PSD4: variants seen among roughly 807,000 people sequenced by gnomAD.
PSD4 encodes PH and SEC7 domain-containing protein 4.
In PSD4, 59 loss-of-function variants were observed where a neutral mutation model predicts 112.5. That is an observed-to-expected ratio of 0.52 (90% CI 0.43 to 0.65). The LOEUF (loss-of-function observed/expected upper bound fraction) is 0.65. PSD4 is among the 30% of genes least tolerant of loss of function. PSD4 has a pLI of 0.00. For synonymous variants in PSD4, 533 were observed against 540.0 expected (o/e 0.99, Z 0.18); for missense variants, 1,267 against 1,352.6 (o/e 0.94, Z 0.99).
chr2:113,185,550 A>T, intron 4 of PSD4, 110 bp downstream of exon 4: 2 of 1,593,458 alleles, frequency 1.3e-6, no homozygotes, highest in Non-Finnish European at 1.7e-6. Context: ...GGGTCCCATT[A>T]TATTGTGTTT....
chr2:113,179,283 G>C (rs773056059), intron 1 of PSD4, among the ~76,000 whole-genome samples: 17 of 152,326 alleles, frequency 1.1e-4, no homozygotes, highest in Non-Finnish European at 2.1e-4. Flanking sequence ...GGGGAGCAGA[G>C]AGTGGTATGG....
chr2:113,190,612 T>C (rs148612255), intron 5 of PSD4, among the ~76,000 whole-genome samples: 318 of 152,260 alleles, frequency 2.1e-3, no homozygotes, highest in Middle Eastern at 6.8e-3. Flanking sequence ...TTTTTACTTA[T>C]TTTTATTTTT....
chr2:113,182,733 G>T lies in PSD4; in HGVS notation c.277G>T (p.Ala93Ser). 6.3e-7 allele frequency: 1 copy of T among 1,599,544 alleles called. No homozygotes were observed. The highest frequency in any genetic ancestry group is 8.5e-7 in the Non-Finnish European group (1 of 1,171,118). Residue 93 changes from alanine to serine, a missense_variant, in exon 2 of 17, where the codon GCC becomes TCC. Transcript: ENST00000245796. ...GLEPCQEQTR[A>S]TDPPESTRQD... ...GGAGCCTTGCCAGGAGCAAACCCGG[G>T]CCACTGACCCTCCTGAATCTACCAG...
intron 10 of PSD4, among the ~76,000 whole-genome samples, chr2:113,195,325 T>A (rs1688574908): frequency 6.6e-6 from 1 of 152,116 alleles, no homozygotes; most frequent in Non-Finnish European, 1.5e-5. Flanking sequence ...CACGCCCAGA[T>A]AATTTTTTGT....
intron 1 of PSD4, among the ~76,000 whole-genome samples, chr2:113,174,967 C>G (rs1023287176): frequency 1.3e-5 from 2 of 152,124 alleles, no homozygotes; most frequent in African/African-American, 4.8e-5. Flanking sequence ...AAAGTGGTCC[C>G]CAAGCAGGCC....
rs745749913 is a variant in PSD4 at position 113,197,785 on chromosome 2, G to T, written c.2496G>T (p.Val832=). 1 of 1,611,140 alleles carries T rather than the reference G, an allele frequency of 6.2e-7. No individual in the cohort carries two copies. The highest frequency in any genetic ancestry group is 1.1e-5 in the South Asian group (1 of 91,006). ...ACTGTCTGGAGGGGGAGAGCTTGGT[G>T]GGGCAGATGGTGGATGAGCCCGTGG... is the stretch of plus-strand genomic sequence containing the variant. ...EDHCLEGESL[V]GQMVDEPVGV... The change falls in exon 14 of 17, where the codon GTG becomes GTT. Residue 832 remains valine, a synonymous_variant. Coordinates refer to ENST00000245796, the MANE Select transcript of PSD4 (RefSeq NM_012455.3).
intron 1 of PSD4, among the ~76,000 whole-genome samples, chr2:113,179,238 C>T (rs769563993): frequency 1.3e-5 from 2 of 152,154 alleles, no homozygotes; most frequent in East Asian, 1.9e-4. Flanking sequence ...GCCTCTTGCC[C>T]AGAGAGCACT....
intron 1 of PSD4, among the ~76,000 whole-genome samples, 182 bp from the exon 2 acceptor site, chr2:113,182,164 G>C (rs1558886290): frequency 2.0e-5 from 3 of 152,202 alleles, no homozygotes; most frequent in Non-Finnish European, 4.4e-5. Flanking sequence ...CAAGTTTAGA[G>C]ATTGTGGGAT....
intron 14 of PSD4, chr2:113,198,483 G>C (rs1215216006): frequency 1.5e-5 from 6 of 400,092 alleles, no homozygotes; most frequent in Non-Finnish European, 2.2e-5. Flanking sequence ...TGTTGACCAG[G>C]CTGGTCTCGA....
chr2:113,200,103 G>GGT (rs1688733707), intron 16 of PSD4, among the ~76,000 whole-genome samples: 1 of 151,336 alleles, frequency 6.6e-6, no homozygotes, highest in African/African-American at 2.4e-5. Flanking sequence ...TGGGATTACA[G>GGT]GTGTGATCCA....
intron 3 of PSD4, 23 bp from the exon 4 acceptor site, chr2:113,185,342 A>C: frequency 6.2e-7 from 1 of 1,613,586 alleles, no homozygotes; most frequent in Non-Finnish European, 8.5e-7. Context: ...GGCTCATGGG[A>C]ATGCCTTTGC....
chr2:113,179,120 C>A (rs1453349726), intron 1 of PSD4, among the ~76,000 whole-genome samples: 3 of 152,150 alleles, frequency 2.0e-5, no homozygotes, highest in African/African-American at 7.2e-5. Context: ...TGCTCTCCAC[C>A]AGGCAGGTTT....
intron 5 of PSD4, among the ~76,000 whole-genome samples, chr2:113,188,666 T>C (rs183026895): frequency 1.6e-4 from 24 of 152,252 alleles, no homozygotes; most frequent in Non-Finnish European, 2.6e-4. Flanking sequence ...CTGCAAACTC[T>C]GCCTCCCAAG....
rs940433402 is a variant in PSD4, at chr2:113,208,844, A to G, written c.*7429A>G. The G allele has an allele frequency of 3.3e-5, 5 of 152,202 alleles. No individual in the cohort carries two copies. Among genetic ancestry groups the G allele is most frequent in the African/African-American group, 1.2e-4 (5 of 41,432 alleles). 9.4% of individuals were successfully genotyped at this position (152,202 alleles called of 1,614,324 possible). On this transcript the variant is annotated 3_prime_UTR_variant, in exon 17 of 17. Coordinates refer to ENST00000245796, the MANE Select transcript of PSD4 (RefSeq NM_012455.3). Reference sequence around the variant, plus strand: ...ATGGTCATGGGCTAATCTGTATATGAAAACCCACTTGAAAGAAATCCCAGT... The same window carrying G: ...ATGGTCATGGGCTAATCTGTATATGGAAACCCACTTGAAAGAAATCCCAGT...
chr2:113,209,109 C>T lies in PSD4; in HGVS notation c.*7694C>T, dbSNP rs973141896. On this transcript the variant is annotated 3_prime_UTR_variant, in exon 17 of 17. Transcript: ENST00000245796. ...TCAAGTACTAGAAAAAGTTTTGCTT[C>T]TTCTAAGAGCTGGTACATTGCCCTC... is the stretch of plus-strand genomic sequence containing the variant. The T allele has an allele frequency of 1.3e-5, 2 of 152,178 alleles. No individual in the cohort carries two copies. The highest frequency in any genetic ancestry group is 2.9e-5 in the Non-Finnish European group (2 of 68,040). The allele number at this position is 152,178 out of a possible 1,614,324, so 9.4% of individuals were successfully genotyped here.
intron 12 of PSD4, among the ~76,000 whole-genome samples, chr2:113,196,910 A>G (rs1573375619): frequency 1.3e-5 from 2 of 152,366 alleles, no homozygotes; most frequent in South Asian, 4.1e-4. Flanking sequence ...TGATTATGGC[A>G]CCAACATGTC....
rs757030649 is a variant in PSD4 at position 113,193,272 on chromosome 2, C to A, written c.1934C>A (p.Ala645Asp). The change falls in exon 8 of 17, where the codon GCC (alanine) becomes GAC (aspartate). Residue 645 changes from alanine (A) to aspartate (D), a missense_variant. Physicochemically the swap from Ala to Asp is moderately radical, Grantham distance 126. Transcript: ENST00000245796. ...CTCCTTTGCAGGAGCTTCCTCCAGG[C>A]CTTGGTGCTCAGTGGGGAGACTCAG... The part of the protein sequence containing the change: ...LDRALRSFLQ[A>D]LVLSGETQER... 38 of 1,587,938 alleles carry A rather than the reference C, an allele frequency of 2.4e-5. No individual in the cohort carries two copies. The highest frequency in any genetic ancestry group is 3.3e-5 in the Non-Finnish European group (38 of 1,168,906).
At chr2:113,198,916 G>A (rs754899279) in intron 15 of PSD4, 32 bp downstream of exon 15, 1 of 1,547,848 alleles carries the variant, frequency 6.5e-7, no homozygotes, top group East Asian at 2.4e-5. Context: ...GGGGTCCGGC[G>A]GAACTGGGAA....
In PSD4 at chr2:113,184,972, C is replaced by A; in HGVS notation, c.1072C>A (p.Pro358Thr). 6.2e-7 allele frequency: 1 copy of A among 1,614,174 alleles called. No homozygotes were observed. The highest frequency in any genetic ancestry group is 8.5e-7 in the Non-Finnish European group (1 of 1,180,018). The change falls in exon 3 of 17, where the codon CCT (proline) becomes ACT (threonine). Residue 358 changes from proline (P) to threonine (T), a missense_variant. Around this residue, in one of 2 missense-constraint regions of PSD4, gnomAD observed 723 missense variants for 704.0 expected, o/e 1.03. Transcript: ENST00000245796. ...GACTTCTCAGGGAGATAGGCTTGGT[C>A]CTGCTCCATCTGCAGCACCGTGTGT... ...HGESEGDRLG[P>T]APSAAPCVDE...
Sources: gnomAD v4.1 joint callset for allele counts (sites outside exome capture counted in the v4.1 genomes callset) on GRCh38, gnomAD v4.1.1 for gene constraint, gnomAD v4.1.1 regional missense constraint, MANE v1.5 for transcripts, NCBI Gene and HGNC (gene_info 2026-07-23, HGNC 2026-07-21) for gene names.